Variants in MLLT3 observed in about 807,000 individuals in gnomAD.
The protein encoded by MLLT3 is protein AF-9.
Under a neutral mutation model 53.2 loss-of-function variants are expected in MLLT3, and 4 were observed. The observed-to-expected ratio is 0.08, with a 90% CI of 0.04 to 0.17. The LOEUF is 0.17. Ranked by LOEUF, MLLT3 falls within the 10% of genes least tolerant of loss-of-function variation. The pLI is 1.00. For missense variants in MLLT3, 569 were observed against 684.0 expected (o/e 0.83, Z 1.87); for synonymous variants, 283 against 230.6 (o/e 1.23, Z -2.06).
intron 2 of MLLT3, among the ~76,000 whole-genome samples, chr9:20,544,091 G>T (rs1335014609): frequency 1.3e-5 from 2 of 152,182 alleles, no homozygotes; most frequent in Admixed American, 1.3e-4. Context: ...GGATGCCAAG[G>T]CTACACAATG....
At chr9:20,573,614 G>A (rs1048082839) in intron 2 of MLLT3, among the ~76,000 whole-genome samples, 1 of 152,160 alleles carries the variant, frequency 6.6e-6, no homozygotes, top group East Asian at 1.9e-4. Flanking sequence ...GCTTTAATAA[G>A]TTAAAAGATG....
chr9:20,409,608 TG>T (rs1425442331), intron 5 of MLLT3, among the ~76,000 whole-genome samples: 2 of 152,208 alleles, frequency 1.3e-5, no homozygotes, highest in African/African-American at 4.8e-5. Flanking sequence ...TGTACTCTAA[TG>T]GGAATAGCCT....
At chr9:20,452,873 G>T (rs922769386) in intron 3 of MLLT3, among the ~76,000 whole-genome samples, 3 of 152,160 alleles carry the variant, frequency 2.0e-5, no homozygotes, top group African/African-American at 7.2e-5. Flanking sequence ...AGAGGAAAAT[G>T]AATTGTCAAT....
intron 2 of MLLT3, among the ~76,000 whole-genome samples, chr9:20,590,402 G>A (rs1322336241): frequency 6.6e-6 from 1 of 152,198 alleles, no homozygotes; most frequent in Non-Finnish European, 1.5e-5. Context: ...GCGGAGGCAG[G>A]GCCCCAGTCG....
At chr9:20,617,672 GT>G (rs1239829966) in intron 2 of MLLT3, among the ~76,000 whole-genome samples, 1 of 152,114 alleles carries the variant, frequency 6.6e-6, no homozygotes, top group Non-Finnish European at 1.5e-5. Context: ...CAGGTAAATA[GT>G]TTAAAAATGC....
At chr9:20,587,422 T>C (rs1820001213) in intron 2 of MLLT3, among the ~76,000 whole-genome samples, 1 of 152,146 alleles carries the variant, frequency 6.6e-6, no homozygotes, top group Non-Finnish European at 1.5e-5. Flanking sequence ...CTGCATGGCC[T>C]TCAGTGCATA....
At chr9:20,449,298 G>A (rs1053976334) in intron 3 of MLLT3, among the ~76,000 whole-genome samples, 1 of 152,182 alleles carries the variant, frequency 6.6e-6, no homozygotes, top group Non-Finnish European at 1.5e-5. Context: ...AATGCAGTGA[G>A]TATCTGTGAG....
In MLLT3 at chr9:20,602,956, T is replaced by C. The variant is rs1188515420; in HGVS notation, c.193+17698A>G. On this transcript the variant is annotated intron_variant, in intron 2 of 10. Transcript: ENST00000380338. The stretch of plus-strand genomic sequence containing the variant: ...ATATGCCATAATTCCACAAATTCAG[T>C]AGTTGGCTAACATGTGGCTCTGAAT... 2.0e-5 allele frequency among the ~76,000 whole-genome samples: 3 copies of C among 152,134 alleles called. No homozygotes were observed. In the East Asian group the frequency reaches 5.8e-4, roughly 29 times the overall value.
intron 5 of MLLT3, among the ~76,000 whole-genome samples, chr9:20,404,690 G>A (rs1272315915): frequency 6.6e-6 from 1 of 152,082 alleles, no homozygotes; most frequent in Non-Finnish European, 1.5e-5. Context: ...TATTTTTGTG[G>A]AGACATGATC....
chr9:20,361,330 G>C (rs543511832), intron 7 of MLLT3, among the ~76,000 whole-genome samples: 4 of 152,184 alleles, frequency 2.6e-5, no homozygotes, highest in African/African-American at 9.6e-5. Flanking sequence ...TGTTACAGAT[G>C]AAAAAGTTAC....
At chr9:20,403,083 G>T (rs566752054) in intron 5 of MLLT3, among the ~76,000 whole-genome samples, 2 of 151,866 alleles carry the variant, frequency 1.3e-5, no homozygotes, top group South Asian at 4.2e-4. Context: ...ATAATGGCAT[G>T]CCAACTGGGG....
intron 2 of MLLT3, among the ~76,000 whole-genome samples, chr9:20,551,758 T>A (rs1818931621): frequency 6.6e-6 from 1 of 152,222 alleles, no homozygotes; most frequent in Admixed American, 6.5e-5. Context: ...ACCATTTACC[T>A]GGAGGCCCCA....
intron 2 of MLLT3, among the ~76,000 whole-genome samples, chr9:20,602,761 TACACACACACACACAC>T (rs3086486): frequency 6.8e-5 from 10 of 147,304 alleles, no homozygotes; most frequent in African/African-American, 2.2e-4. Context: ...TTAAGTTTGA[TACACACACACACACAC>T]ACACACACAC....
At chr9:20,389,788 G>A (rs1041415867) in intron 5 of MLLT3, among the ~76,000 whole-genome samples, 3 of 152,182 alleles carry the variant, frequency 2.0e-5, no homozygotes, top group Non-Finnish European at 4.4e-5. Context: ...GGTAAGGGAA[G>A]GAAAGGGAAA....
At chr9:20,596,303 G>A (rs1182160501) in intron 2 of MLLT3, among the ~76,000 whole-genome samples, 1 of 152,108 alleles carries the variant, frequency 6.6e-6, no homozygotes, top group African/African-American at 2.4e-5. Flanking sequence ...GGAAAACTAT[G>A]GCATTTAATT....
chr9:20,400,683 A>G (rs1822432723), intron 5 of MLLT3, among the ~76,000 whole-genome samples: 1 of 152,008 alleles, frequency 6.6e-6, no homozygotes, highest in African/African-American at 2.4e-5. Flanking sequence ...AGGGTTTACT[A>G]TTTTGTGTAT....
At position 20,620,299 on chromosome 9, in the gene MLLT3, A is replaced by C. The variant is rs1186061041; in HGVS notation, c.193+355T>G. Among the ~76,000 whole-genome samples the C allele has an allele frequency of 6.8e-6, 1 of 146,782 alleles. No homozygotes were observed. The highest frequency in any genetic ancestry group is 1.5e-5 in the Non-Finnish European group (1 of 66,952). On this transcript the variant is annotated intron_variant, in intron 2 of 10. Coordinates refer to ENST00000380338, the MANE Select transcript of MLLT3 (RefSeq NM_004529.4). The surrounding 1 kb of genome is among the most constrained non-coding windows in gnomAD (Gnocchi z 6.1). ...CACACACACACACACACACACGCGC[A>C]AAGTGTTTATTCCCTCCAGCCCGAT...
chr9:20,502,086 A>C (rs1825254208), intron 2 of MLLT3, among the ~76,000 whole-genome samples: 1 of 124,308 alleles, frequency 8.0e-6, no homozygotes, highest in African/African-American at 2.7e-5. Context: ...CATCTCAAAA[A>C]AAAAAAAGGG....
At chr9:20,572,749 G>A (rs1482118559) in intron 2 of MLLT3, among the ~76,000 whole-genome samples, 1 of 152,088 alleles carries the variant, frequency 6.6e-6, no homozygotes, top group Non-Finnish European at 1.5e-5. Context: ...AGCCGAGATT[G>A]CACCACTGCA....
Sources: gnomAD v4.1 joint callset for allele counts (sites outside exome capture counted in the v4.1 genomes callset) on GRCh38, gnomAD v4.1.1 for gene constraint, Gnocchi (gnomAD v3.1) non-coding constraint, MANE v1.5 for transcripts, NCBI Gene and HGNC (gene_info 2026-07-23, HGNC 2026-07-21) for gene names.